ESR1: variants seen among roughly 807,000 people sequenced by gnomAD.
ESR1 encodes the protein estrogen receptor 1.
Under a neutral mutation model 52.7 loss-of-function variants are expected in ESR1, and 12 were observed. That is an observed-to-expected ratio of 0.23 (90% confidence interval 0.15 to 0.37). ESR1 has a LOEUF of 0.37. Ranked by LOEUF, ESR1 falls within the 10% of genes least tolerant of loss-of-function variation. The probability of loss-of-function intolerance (pLI) is 1.00; values close to 1 mark genes in which losing one functional copy is unlikely to be tolerated. For synonymous variants in ESR1, 305 were observed against 316.8 expected (o/e 0.96, Z 0.39); for missense variants, 584 against 779.7 (o/e 0.75, Z 2.99).
At chr6:151,768,331 G>A (rs1452453896) in intron 2 of ESR1, among the ~76,000 whole-genome samples, 1 of 152,114 alleles carries the variant, frequency 6.6e-6, no homozygotes, top group Non-Finnish European at 1.5e-5. Context: ...CCTGAAAGAA[G>A]CATCACAAAA....
At chr6:151,937,873 T>C (rs2128503657) in intron 3 of ESR1, among the ~76,000 whole-genome samples, 1 of 152,306 alleles carries the variant, frequency 6.6e-6, no homozygotes, top group South Asian at 2.1e-4. Flanking sequence ...TGGTAGTTAA[T>C]CTGAACTTCT....
chr6:151,852,639 G>GT (rs35050297), intron 2 of ESR1, among the ~76,000 whole-genome samples: 28,369 of 127,790 alleles, frequency 0.22, 3,931 homozygotes, highest in Middle Eastern at 0.28. Context: ...CCAAGCAGGT[G>GT]TTTTTTTTTT....
rs183526346 is a variant in ESR1 at position 152,080,759 on chromosome 6, G to A, written c.1370-13626G>A. On this transcript the variant is annotated intron_variant, in intron 6 of 7. Coordinates refer to ENST00000206249, the MANE Select transcript of ESR1 (RefSeq NM_000125.4). ...GCTGTATTCAGGAGACCCATCTCAC[G>A]TGCAAAAATGCACATAGGCTCAAAA... Among the ~76,000 whole-genome samples the A allele has an allele frequency of 3.0e-3, 461 of 152,024 alleles. 1 individual carries two copies. Among genetic ancestry groups the A allele is most frequent in the Non-Finnish European group, 4.6e-3 (311 of 67,998 alleles).
rs1447513335 is a variant in ESR1, at chr6:152,127,679, G to A, written c.*2331G>A. The A allele has an allele frequency of 2.6e-5, 4 of 152,270 alleles. No homozygotes were observed. In the East Asian group the frequency reaches 7.7e-4, roughly 29 times the overall value. 9.4% of individuals were successfully genotyped at this position (152,270 alleles called of 1,614,324 possible). ...TACCCTACAGCTTTCCTTGGGGCAC[G>A]GGTGAGCAATCTGCCTTAGAGGGGA... On this transcript the variant is annotated 3_prime_UTR_variant, in exon 7 of 7. Coordinates refer to the ESR1 transcript ENST00000427531.
At chr6:151,923,050 A>G (rs1050699568) in intron 3 of ESR1, among the ~76,000 whole-genome samples, 1 of 152,142 alleles carries the variant, frequency 6.6e-6, no homozygotes, top group Non-Finnish European at 1.5e-5. Context: ...CTATACTTCT[A>G]TGGAAGTTTC....
intron 2 of ESR1, among the ~76,000 whole-genome samples, chr6:151,856,296 G>T (rs571201933): frequency 6.6e-6 from 1 of 152,240 alleles, no homozygotes; most frequent in Non-Finnish European, 1.5e-5. Context: ...GAAACAACTA[G>T]TCCCAAGCTA....
chr6:151,750,789 C>G (rs1783842731), intron 2 of ESR1, among the ~76,000 whole-genome samples: 1 of 151,936 alleles, frequency 6.6e-6, no homozygotes, highest in Non-Finnish European at 1.5e-5. Flanking sequence ...AATTTTATGA[C>G]TGTGATTAGA....
intron 2 of ESR1, among the ~76,000 whole-genome samples, chr6:151,871,593 C>T (rs867482697): frequency 3.3e-5 from 5 of 151,706 alleles, no homozygotes; most frequent in South Asian, 2.1e-4. Context: ...TTAGTAGAGA[C>T]GGGGTTTTGC....
At chr6:151,911,185 A>G (rs1464251561) in intron 3 of ESR1, among the ~76,000 whole-genome samples, 1 of 152,190 alleles carries the variant, frequency 6.6e-6, no homozygotes, top group Non-Finnish European at 1.5e-5. Flanking sequence ...GTAATTAAAT[A>G]TGTACATTTC....
upstream of ESR1, among the ~76,000 whole-genome samples, chr6:151,801,051 G>GGGGTGTGTGTGTGT (rs1554258202): frequency 6.8e-6 from 1 of 147,612 alleles, no homozygotes; most frequent in East Asian, 2.0e-4. Flanking sequence ...TTGATTATGT[G>GGGGTGTGTGTGTGT]GTGTGTGTGT....
chr6:151,993,173 A>G (rs1050047239), intron 4 of ESR1, among the ~76,000 whole-genome samples: 1 of 152,176 alleles, frequency 6.6e-6, no homozygotes, highest in Non-Finnish European at 1.5e-5. Flanking sequence ...TCTGTAATCT[A>G]AAGATTTTTA....
chr6:152,050,886 T>C (rs759593797), intron 5 of ESR1, among the ~76,000 whole-genome samples: 1 of 152,218 alleles, frequency 6.6e-6, no homozygotes, highest in Non-Finnish European at 1.5e-5. Context: ...ATATTGTCAA[T>C]TGTCACTCAG....
At chr6:152,111,126 C>T (rs894695299) in intron 6 of ESR1, among the ~76,000 whole-genome samples, 4 of 152,156 alleles carry the variant, frequency 2.6e-5, no homozygotes, top group African/African-American at 7.2e-5. Context: ...TCACCCTCCC[C>T]CCGTTGCCAC....
At chr6:151,847,857 G>C (rs1352445099) in intron 2 of ESR1, among the ~76,000 whole-genome samples, 1 of 151,696 alleles carries the variant, frequency 6.6e-6, no homozygotes, top group African/African-American at 2.4e-5. Flanking sequence ...TTTCTTCTAG[G>C]GTTTTTATGG....
intron 2 of ESR1, among the ~76,000 whole-genome samples, chr6:151,748,175 C>T (rs1783621821): frequency 6.6e-6 from 1 of 152,066 alleles, no homozygotes; most frequent in African/African-American, 2.4e-5. Flanking sequence ...GGTAAAACTA[C>T]TGAAAAAAGT....
At chr6:151,778,318 G>A (rs1562398421) in intron 2 of ESR1, among the ~76,000 whole-genome samples, 1 of 152,122 alleles carries the variant, frequency 6.6e-6, no homozygotes, top group Non-Finnish European at 1.5e-5. Flanking sequence ...ATGGACAATG[G>A]TGATGGCTGC....
chr6:151,834,467 A>T (rs895239634), intron 1 of ESR1, among the ~76,000 whole-genome samples: 5 of 152,204 alleles, frequency 3.3e-5, no homozygotes, highest in African/African-American at 9.7e-5. Flanking sequence ...CACACACTGC[A>T]TGTTCTCACT....
intron 4 of ESR1, among the ~76,000 whole-genome samples, chr6:151,956,945 C>G (rs1415284279): frequency 6.7e-6 from 1 of 149,184 alleles, no homozygotes; most frequent in African/African-American, 2.5e-5. Context: ...GGCATGATCT[C>G]GGCTCACTGT....
chr6:152,024,238 A>T (rs1027995431), intron 5 of ESR1, among the ~76,000 whole-genome samples: 4 of 152,048 alleles, frequency 2.6e-5, no homozygotes, highest in Non-Finnish European at 1.5e-5. Flanking sequence ...AGATTTGTTC[A>T]TCTGTTAATG....
Sources: gnomAD v4.1 joint callset for allele counts (sites outside exome capture counted in the v4.1 genomes callset) on GRCh38, gnomAD v4.1.1 for gene constraint, MANE v1.5 for transcripts, NCBI Gene and HGNC (gene_info 2026-07-23, HGNC 2026-07-21) for gene names.